ITGA11: variants seen among roughly 807,000 people sequenced by gnomAD.
ITGA11 encodes the protein integrin alpha-11.
A neutral mutation model predicts 141.9 loss-of-function variants in ITGA11; 97 were observed. That is an observed-to-expected ratio of 0.68 (90% CI 0.58 to 0.81). The LOEUF is 0.81. ITGA11 is among the 30% of genes least tolerant of loss of function. The probability of loss-of-function intolerance (pLI) is 0.00; values close to 1 mark genes in which losing one functional copy is unlikely to be tolerated. For missense variants in ITGA11, 1,387 were observed against 1,559.2 expected (o/e 0.89, Z 1.86); for synonymous variants, 658 against 624.6 (o/e 1.05, Z -0.80).
intron 2 of ITGA11, among the ~76,000 whole-genome samples, chr15:68,374,020 G>A (rs1038515823): frequency 1.3e-5 from 2 of 152,146 alleles, no homozygotes; most frequent in Non-Finnish European, 2.9e-5. Flanking sequence ...ACATCCTAAT[G>A]TTTAGAGTGT....
At chr15:68,334,898 T>C (rs1271408599) in intron 12 of ITGA11, among the ~76,000 whole-genome samples, 1 of 152,156 alleles carries the variant, frequency 6.6e-6, no homozygotes, top group East Asian at 1.9e-4. Flanking sequence ...AGAGCTGAGC[T>C]GCCTGGGATG....
intron 1 of ITGA11, among the ~76,000 whole-genome samples, chr15:68,423,363 A>G (rs1897064518): frequency 6.6e-6 from 1 of 152,102 alleles, no homozygotes; most frequent in Non-Finnish European, 1.5e-5. Flanking sequence ...GACCTGAAGA[A>G]TAAGTTGGGG....
rs185164266 is a variant in ITGA11 at position 68,339,653 on chromosome 15, G to A, written c.1132-9C>T. ...CCCAGCAGAACCCCATCCTGGCATT[G>A]GGGAGGGGACACACATCAGCACCTG... is the stretch of plus-strand genomic sequence containing the variant. On this transcript the variant is annotated splice_polypyrimidine_tract_variant and intron_variant, in intron 10 of 29. Coordinates refer to ENST00000315757, the MANE Select transcript of ITGA11 (RefSeq NM_001004439.2). 1.2e-6 allele frequency: 2 copies of A among 1,613,906 alleles called. No individual in the cohort carries two copies. Among genetic ancestry groups the A allele is most frequent in the African/African-American group, 1.3e-5 (1 of 75,042 alleles).
intron 11 of ITGA11, among the ~76,000 whole-genome samples, chr15:68,338,446 A>G (rs754680567): frequency 6.6e-5 from 10 of 152,264 alleles, no homozygotes; most frequent in Non-Finnish European, 1.2e-4. Flanking sequence ...TGCAGGTGCT[A>G]TGCAATTCAG....
rs1896481024 is a variant in ITGA11, at chr15:68,400,840, ATATTATATATTATATAATAAAT to A, written c.164+2056_164+2077del. On this transcript the variant is annotated intron_variant, in intron 2 of 29. Coordinates refer to ENST00000315757, the MANE Select transcript of ITGA11 (RefSeq NM_001004439.2). ...TATTATATATTATATAATAAATATT[ATATTATATATTATATAATAAAT>A]ATAATATTATATATTATATAATAAA... 3.9e-4 allele frequency among the ~76,000 whole-genome samples: 4 copies of A among 10,156 alleles called. 2 individuals carry two copies. The highest frequency in any genetic ancestry group is 9.0e-4 in the African/African-American group (4 of 4,454). The allele number at this position is 10,156 out of a possible 152,430, so 6.7% of individuals were successfully genotyped here.
At chr15:68,397,819 AT>A (rs200363794) in intron 2 of ITGA11, among the ~76,000 whole-genome samples, 7 of 139,418 alleles carry the variant, frequency 5.0e-5, no homozygotes, top group African/African-American at 1.1e-4. Context: ...AATATTATAT[AT>A]TATTATATAA....
intron 2 of ITGA11, among the ~76,000 whole-genome samples, chr15:68,382,539 C>T (rs946655756): frequency 4.6e-5 from 7 of 152,250 alleles, no homozygotes; most frequent in Non-Finnish European, 8.8e-5. Context: ...ACGTCTGGAA[C>T]CATTCTCTCC....
intron 2 of ITGA11, among the ~76,000 whole-genome samples, chr15:68,380,697 G>C (rs1895839827): frequency 6.6e-6 from 1 of 152,216 alleles, no homozygotes; most frequent in Admixed American, 6.5e-5. Context: ...CCCGCATGGT[G>C]CCGGCGCTCA....
chr15:68,343,975 G>A (rs716379), intron 10 of ITGA11, among the ~76,000 whole-genome samples: 23,803 of 152,062 alleles, frequency 0.16, 2,787 homozygotes, highest in East Asian at 0.45. Context: ...GAGCAGAAGG[G>A]GCCGCGGGGA....
At chr15:68,330,857 G>A (rs1894132791) in intron 15 of ITGA11, 124 bp downstream of exon 15, 1 of 1,045,540 alleles carries the variant, frequency 9.6e-7, no homozygotes. Context: ...GATAAGAACA[G>A]GGTGGGTCTA....
chr15:68,372,921 T>C (rs904658324), intron 2 of ITGA11, among the ~76,000 whole-genome samples: 9 of 152,354 alleles, frequency 5.9e-5, no homozygotes, highest in South Asian at 2.1e-4. Context: ...TATGTACCCC[T>C]AATTATGTGT....
Position 68,307,652 on chromosome 15 carries a change from C to A in ITGA11, c.3219G>T (p.Arg1073=), listed in dbSNP as rs1893246937. ...AATTGATTTCCTGGTTGGGGACCAG[C>A]CGTATATTGCAGTTGATGGAGACGA... is the stretch of plus-strand genomic sequence containing the variant. ...SDVVSINCNI[R]LVPNQEINFH... The change falls in exon 27 of 30, where the codon CGG becomes CGT. Residue 1073 remains arginine, a synonymous_variant. Coordinates refer to ENST00000315757, the MANE Select transcript of ITGA11 (RefSeq NM_001004439.2). The surrounding 1 kb of genome is among the most constrained non-coding windows in gnomAD (Gnocchi z 6.1). 1.2e-6 allele frequency: 2 copies of A among 1,613,722 alleles called. No individual in the cohort carries two copies. Among genetic ancestry groups the A allele is most frequent in the Non-Finnish European group, 1.7e-6 (2 of 1,179,848 alleles).
chr15:68,326,923 G>C lies in ITGA11; in HGVS notation c.2069-127C>G. ...TGTTCCTTTCCTCTCACGAGCCCCAGTGTGGGTGAGAAACTCCCACATGGA... is the reference window on the plus strand; with the variant it reads ...TGTTCCTTTCCTCTCACGAGCCCCACTGTGGGTGAGAAACTCCCACATGGA... On this transcript the variant is annotated intron_variant, in intron 16 of 29. Transcript: ENST00000315757. The surrounding 1 kb of genome is among the most constrained non-coding windows in gnomAD (Gnocchi z 6.8). 9.8e-7 allele frequency: 1 copy of C among 1,018,476 alleles called. No individual in the cohort carries two copies. Among genetic ancestry groups the C allele is most frequent in the Admixed American group, 3.0e-5 (1 of 33,464 alleles). 63.1% of individuals were successfully genotyped at this position (1,018,476 alleles called of 1,614,324 possible). A position where few individuals can be genotyped will look rare whatever the true frequency, so the allele number is the denominator to read the frequency against.
In ITGA11 at chr15:68,432,104, C is replaced by A. The variant is rs570251867; in HGVS notation, c.-38G>T. On this transcript the variant is annotated 5_prime_UTR_variant, in exon 1 of 30. Coordinates refer to ENST00000315757, the MANE Select transcript of ITGA11 (RefSeq NM_001004439.2). ...GGCGGCTGGGTCCGGTGTGCAGCGG[C>A]GGCGGGGGGCGGCAAGCCAGAGCGG... is the stretch of plus-strand genomic sequence containing the variant. 2 of 1,345,172 alleles carry A rather than the reference C, an allele frequency of 1.5e-6. No homozygotes were observed. Among genetic ancestry groups the A allele is most frequent in the Middle Eastern group, 2.7e-4 (1 of 3,720 alleles). 83.3% of individuals were successfully genotyped at this position (1,345,172 alleles called of 1,614,324 possible). A position where few individuals can be genotyped will look rare whatever the true frequency, so the allele number is the denominator to read the frequency against.
chr15:68,303,104 G>A lies in ITGA11; in HGVS notation c.3522C>T (p.Arg1174=), dbSNP rs766508147. ...TGGGGTCCAGACCAGGCTCCCTCCT[G>A]CGCCTGGCACTTCTAAAGAAGCCGA... ...WKLGFFRSAR[R]RREPGLDPTP... Residue 1174 remains arginine (R), a synonymous_variant, in exon 30 of 30, where the codon CGC becomes CGT. Coordinates refer to ENST00000315757, the MANE Select transcript of ITGA11 (RefSeq NM_001004439.2). The surrounding 1 kb of genome is among the most constrained non-coding windows in gnomAD (Gnocchi z 5.3). 1 of 1,551,154 alleles carries A rather than the reference G, an allele frequency of 6.4e-7. No homozygotes were observed. Among genetic ancestry groups the A allele is most frequent in the South Asian group, 1.2e-5 (1 of 83,982 alleles).
chr15:68,403,453 C>T (rs1250680268), intron 1 of ITGA11, among the ~76,000 whole-genome samples: 2 of 151,852 alleles, frequency 1.3e-5, no homozygotes, highest in African/African-American at 2.4e-5. Flanking sequence ...GAGTGTGGGG[C>T]CTCCCCCCTC....
intron 3 of ITGA11, 71 bp downstream of exon 3, chr15:68,369,113 C>G (rs573284967): frequency 1.9e-6 from 2 of 1,035,620 alleles, no homozygotes; most frequent in Admixed American, 1.7e-5. Flanking sequence ...TGGACATGGG[C>G]GTGCATCAGA....
At chr15:68,384,632 C>T (rs1179211215) in intron 2 of ITGA11, among the ~76,000 whole-genome samples, 1 of 152,222 alleles carries the variant, frequency 6.6e-6, no homozygotes, top group Non-Finnish European at 1.5e-5. Context: ...TCCTCTCTCC[C>T]TCTCTATCTC....
At chr15:68,330,920 C>A in intron 15 of ITGA11, 61 bp downstream of exon 15, 3 of 1,603,018 alleles carry the variant, frequency 1.9e-6, no homozygotes, top group East Asian at 2.2e-5. Context: ...ATCTTTAAAA[C>A]CCCTGGATTC....
Sources: allele counts gnomAD v4.1 joint callset (sites outside exome capture counted in the v4.1 genomes callset), GRCh38; gene constraint gnomAD v4.1.1; non-coding constraint Gnocchi (gnomAD v3.1); transcripts MANE v1.5; gene names NCBI Gene and HGNC (gene_info 2026-07-23, HGNC 2026-07-21).